Variants in TESK2 observed in about 807,000 individuals in gnomAD.
The protein encoded by TESK2 is testis associated actin remodelling kinase 2.
Under a neutral mutation model 57.1 loss-of-function variants are expected in TESK2, and 39 were observed. The observed-to-expected ratio is 0.68, with a 90% CI of 0.53 to 0.89. TESK2 has a LOEUF of 0.89. Among genes scored for constraint, TESK2 ranks in the 40% least tolerant of loss-of-function variants. TESK2 has a pLI of 0.00. For synonymous variants in TESK2, 249 were observed against 267.9 expected (o/e 0.93, Z 0.69); for missense variants, 646 against 732.1 (o/e 0.88, Z 1.36).
At chr1:45,414,864 G>T (rs1650174555) in intron 3 of TESK2, among the ~76,000 whole-genome samples, 1 of 152,198 alleles carries the variant, frequency 6.6e-6, no homozygotes, top group South Asian at 2.1e-4. Flanking sequence ...CATCACTGCA[G>T]AAGGTTCTAT....
chr1:45,385,979 T>C lies in TESK2; in HGVS notation c.345-19A>G. 1 of 1,586,838 alleles carries C rather than the reference T, an allele frequency of 6.3e-7. No individual in the cohort carries two copies. The highest frequency in any genetic ancestry group is 1.3e-5 in the African/African-American group (1 of 74,262). The stretch of plus-strand genomic sequence containing the variant: ...CATGAACCTAAAGAACAAGACAGAA[T>C]TATTTAACAAGTGAAAAGGACACAA... On this transcript the variant is annotated intron_variant, in intron 3 of 10. Coordinates refer to ENST00000372086, the MANE Select transcript of TESK2 (RefSeq NM_007170.3).
At position 45,345,985 on chromosome 1, in the gene TESK2, T is replaced by C; in HGVS notation, c.889A>G (p.Lys297Glu). 6.2e-7 allele frequency: 1 copy of C among 1,613,940 alleles called. No individual in the cohort carries two copies. Among genetic ancestry groups the C allele is most frequent in the Admixed American group, 1.7e-5 (1 of 60,018 alleles). Residue 297 changes from lysine to glutamate, a missense_variant, in exon 10 of 11, where the codon AAA (lysine) becomes GAA (glutamate). By Grantham distance (56) the Lys-to-Glu change is moderately conservative. Coordinates refer to ENST00000372086, the MANE Select transcript of TESK2 (RefSeq NM_007170.3). ...ATCTCCACAAAAGATGGGCGCAGTT[T>C]GGGATCCATCTGTAGGTATCCACAA... ...LTFNCCNMDP[K>E]LRPSFVEIGK...
intron 5 of TESK2, among the ~76,000 whole-genome samples, chr1:45,352,924 G>A (rs1464921944): frequency 1.3e-5 from 2 of 151,540 alleles, no homozygotes; most frequent in East Asian, 3.9e-4. Context: ...TTCCAAGACG[G>A]AGTCTCGCTC....
chr1:45,485,049 A>G (rs1250358809), intron 1 of TESK2, among the ~76,000 whole-genome samples: 1 of 151,946 alleles, frequency 6.6e-6, no homozygotes, highest in Non-Finnish European at 1.5e-5. Context: ...TAAATTAATT[A>G]ATTAAATCAA....
chr1:45,437,143 T>G (rs1289796193), intron 2 of TESK2, among the ~76,000 whole-genome samples: 1 of 152,208 alleles, frequency 6.6e-6, no homozygotes, highest in African/African-American at 2.4e-5. Flanking sequence ...AGATTGTTTT[T>G]GGGTAGCATG....
chr1:45,366,249 G>T (rs570395917), intron 4 of TESK2, among the ~76,000 whole-genome samples: 1 of 151,890 alleles, frequency 6.6e-6, no homozygotes, highest in Admixed American at 6.6e-5. Context: ...ACCAGACCTG[G>T]CTAATTTTTG....
At position 45,361,526 on chromosome 1, in the gene TESK2, C is replaced by T. The variant is rs1159568915; in HGVS notation, c.394-6077G>A. ...TTTACCTATACCAAAACTTGCCTCA[C>T]TTCCTCACGGTCTAATAAAATAACA... On this transcript the variant is annotated intron_variant, in intron 4 of 10. Coordinates refer to ENST00000372086, the MANE Select transcript of TESK2 (RefSeq NM_007170.3). Among the ~76,000 whole-genome samples the T allele has an allele frequency of 3.3e-5, 5 of 152,224 alleles. No individual in the cohort carries two copies. The East Asian group carries it at 5.8e-4, about 18-fold the overall frequency.
intron 2 of TESK2, among the ~76,000 whole-genome samples, chr1:45,428,106 T>G (rs575953867): frequency 6.6e-6 from 1 of 152,266 alleles, no homozygotes; most frequent in South Asian, 2.1e-4. Context: ...AGCAATAACA[T>G]AGCTAACATT....
At chr1:45,413,807 T>G in intron 3 of TESK2, 1 of 456,128 alleles carries the variant, frequency 2.2e-6, no homozygotes, top group Non-Finnish European at 4.4e-6. Context: ...TTCCAAGAGA[T>G]GGATTCTTCC....
At chr1:45,481,209 C>CA (rs1192013500) in intron 1 of TESK2, among the ~76,000 whole-genome samples, 2 of 150,988 alleles carry the variant, frequency 1.3e-5, no homozygotes, top group Non-Finnish European at 3.0e-5. Flanking sequence ...ACTAAAAATA[C>CA]AAAAAATTAG....
At chr1:45,411,992 C>T (rs1263833150) in intron 3 of TESK2, among the ~76,000 whole-genome samples, 2 of 152,144 alleles carry the variant, frequency 1.3e-5, no homozygotes, top group African/African-American at 4.8e-5. Context: ...GGTCCATTCT[C>T]ATTAAACAGA....
chr1:45,368,617 C>A (rs1648049508), intron 4 of TESK2, among the ~76,000 whole-genome samples: 1 of 152,094 alleles, frequency 6.6e-6, no homozygotes, highest in South Asian at 2.1e-4. Flanking sequence ...TCAGGTGATC[C>A]ACCTGCCTCG....
chr1:45,415,855 C>T (rs191526909), intron 3 of TESK2, among the ~76,000 whole-genome samples: 38 of 152,256 alleles, frequency 2.5e-4, no homozygotes, highest in Admixed American at 2.2e-3. Flanking sequence ...GTCCAACCCA[C>T]AGCCCATGGG....
At chr1:45,481,834 T>C (rs1653237815) in intron 1 of TESK2, among the ~76,000 whole-genome samples, 1 of 152,210 alleles carries the variant, frequency 6.6e-6, no homozygotes, top group African/African-American at 2.4e-5. Flanking sequence ...AAAGTTAAAA[T>C]GTATAAAAAC....
At chr1:45,410,860 T>C (rs1169972124) in intron 3 of TESK2, among the ~76,000 whole-genome samples, 1 of 152,150 alleles carries the variant, frequency 6.6e-6, no homozygotes, top group Non-Finnish European at 1.5e-5. Flanking sequence ...AAGAGAAATC[T>C]GACATCGTTA....
intron 3 of TESK2, among the ~76,000 whole-genome samples, chr1:45,397,857 A>G (rs929148722): frequency 6.6e-6 from 1 of 152,150 alleles, no homozygotes; most frequent in Non-Finnish European, 1.5e-5. Flanking sequence ...AGCACCAAAC[A>G]TTTATATAGC....
chr1:45,374,927 G>A (rs1321317848), intron 4 of TESK2, among the ~76,000 whole-genome samples: 4 of 152,160 alleles, frequency 2.6e-5, no homozygotes, highest in Admixed American at 2.0e-4. Context: ...CACAGCCAAT[G>A]CATCAGGAAA....
At chr1:45,349,853 T>C (rs112764828) in intron 5 of TESK2, among the ~76,000 whole-genome samples, 7 of 152,346 alleles carry the variant, frequency 4.6e-5, no homozygotes, top group African/African-American at 1.4e-4. Flanking sequence ...TTTAAAAGCA[T>C]GTGTCAAGCT....
intron 1 of TESK2, among the ~76,000 whole-genome samples, chr1:45,470,040 C>A (rs937603693): frequency 6.6e-6 from 1 of 152,174 alleles, no homozygotes; most frequent in African/African-American, 2.4e-5. Context: ...TATTATCCCA[C>A]AAAGTCATCA....
Sources: gnomAD v4.1 joint callset for allele counts (sites outside exome capture counted in the v4.1 genomes callset) on GRCh38, gnomAD v4.1.1 for gene constraint, MANE v1.5 for transcripts, NCBI Gene and HGNC (gene_info 2026-07-23, HGNC 2026-07-21) for gene names.